The following PRKCH variants were observed in gnomAD, a reference collection of about 807,000 sequenced individuals.
The protein encoded by PRKCH is protein kinase C eta.
PRKCH carries 28 observed loss-of-function variants against 82.5 expected under a neutral mutation model. That is an observed-to-expected ratio of 0.34 (90% CI 0.25 to 0.47). The LOEUF is 0.47. Ranked by LOEUF, PRKCH falls within the 20% of genes least tolerant of loss-of-function variation. The pLI, the probability that PRKCH is intolerant of heterozygous loss-of-function variation, is 1.00. For synonymous variants in PRKCH, 322 were observed against 327.4 expected (o/e 0.98, Z 0.18); for missense variants, 705 against 881.8 (o/e 0.80, Z 2.54).
At position 61,461,231 on chromosome 14, in the gene PRKCH, C is replaced by T. The variant is rs3825654; in HGVS notation, c.1278+3552C>T. ...CTCCAGTTCTCCCTGCCCCACACTGCTCCCTGGAGTAGCCTTGAAACGACT... is the reference window on the plus strand; with the variant it reads ...CTCCAGTTCTCCCTGCCCCACACTGTTCCCTGGAGTAGCCTTGAAACGACT... On this transcript the variant is annotated intron_variant, in intron 9 of 13. Transcript: ENST00000332981. Among the ~76,000 whole-genome samples the T allele has an allele frequency of 6.2e-3, 949 of 152,302 alleles. 49 individuals carry two copies. The East Asian group carries it at 0.098, about 16-fold the overall frequency.
intron 12 of PRKCH, among the ~76,000 whole-genome samples, chr14:61,540,935 G>A (rs2043175758): frequency 6.6e-6 from 1 of 152,242 alleles, no homozygotes; most frequent in Non-Finnish European, 1.5e-5. Flanking sequence ...TCCCCAGAGA[G>A]ATTCAGGAAG....
chr14:61,208,362 C>T (rs555164514), intron 1 of PRKCH, among the ~76,000 whole-genome samples: 1 of 152,264 alleles, frequency 6.6e-6, no homozygotes, highest in East Asian at 1.9e-4. Context: ...AATTATAAGA[C>T]AGTCTTCACA....
At chr14:61,208,623 G>A (rs916888393) in intron 1 of PRKCH, among the ~76,000 whole-genome samples, 3 of 152,176 alleles carry the variant, frequency 2.0e-5, no homozygotes, top group Non-Finnish European at 4.4e-5. Context: ...AAATCATAGA[G>A]TCCTGAAGAG....
intron 2 of PRKCH, among the ~76,000 whole-genome samples, chr14:61,438,862 A>C (rs1199390809): frequency 6.6e-6 from 1 of 152,234 alleles, no homozygotes; most frequent in Non-Finnish European, 1.5e-5. Context: ...ATTTTAGAAT[A>C]GTTAATCTTC....
At chr14:61,266,410 T>A (rs1315985043) in intron 1 of PRKCH, among the ~76,000 whole-genome samples, 4 of 150,926 alleles carry the variant, frequency 2.7e-5, no homozygotes, top group African/African-American at 9.8e-5. Context: ...AGAGCGAGAC[T>A]CCATCTCCAA....
chr14:61,200,098 T>A (rs1215205835), intron 1 of PRKCH, among the ~76,000 whole-genome samples: 1 of 152,184 alleles, frequency 6.6e-6, no homozygotes, highest in South Asian at 2.1e-4. Context: ...TCCCTAAGGA[T>A]GAGTAATGAC....
At chr14:61,412,579 C>T (rs1882325121) in intron 2 of PRKCH, among the ~76,000 whole-genome samples, 1 of 152,190 alleles carries the variant, frequency 6.6e-6, no homozygotes, top group South Asian at 2.1e-4. Context: ...TTTAATCTTC[C>T]TTCATGCCTG....
chr14:61,332,869 T>C (rs557044675), intron 1 of PRKCH, among the ~76,000 whole-genome samples: 2 of 152,356 alleles, frequency 1.3e-5, no homozygotes, highest in East Asian at 1.9e-4. Context: ...CAATGGACTT[T>C]GGTTTTTGCG....
At chr14:61,344,139 G>A (rs1382392368) in intron 1 of PRKCH, 10 of 152,206 alleles carry the variant, frequency 6.6e-5, no homozygotes, top group African/African-American at 1.9e-4. Context: ...TCAGTGATGA[G>A]TCCAATGATC....
In PRKCH at chr14:61,402,670, G is replaced by A. The variant is rs559853255; in HGVS notation, c.427+11382G>A. Among the ~76,000 whole-genome samples, 255 of 151,978 alleles carry A rather than the reference G, an allele frequency of 1.7e-3. 1 individual carries two copies. Among genetic ancestry groups the A allele is most frequent in the African/African-American group, 5.6e-3 (232 of 41,478 alleles). On this transcript the variant is annotated intron_variant, in intron 2 of 13. Transcript: ENST00000332981. ...AAAAATTAGCTGGGTGTGGTGGTGC[G>A]TGCCTGTAATCCCAGCTACTCGGGA...
chr14:61,401,568 G>A lies in PRKCH; in HGVS notation c.427+10280G>A, dbSNP rs1465299578. Among the ~76,000 whole-genome samples, 6 of 152,184 alleles carry A rather than the reference G, an allele frequency of 3.9e-5. No homozygotes were observed. The East Asian group carries it at 9.6e-4, about 24-fold the overall frequency. ...TGACATTTGCCCCAATGGTGCAAAA[G>A]AGAAATGGTGGGTAAAAGCATGGCA... On this transcript the variant is annotated intron_variant, in intron 2 of 13. Transcript: ENST00000332981.
intron 12 of PRKCH, among the ~76,000 whole-genome samples, chr14:61,531,081 T>C (rs2043039038): frequency 6.6e-6 from 1 of 152,198 alleles, no homozygotes; most frequent in African/African-American, 2.4e-5. Context: ...CTATTTTGCC[T>C]CCATGTTATT....
chr14:61,488,660 G>T (rs1422277873), intron 10 of PRKCH, among the ~76,000 whole-genome samples: 1 of 152,218 alleles, frequency 6.6e-6, no homozygotes, highest in African/African-American at 2.4e-5. Flanking sequence ...AAGCAATTCA[G>T]TCTTATCTCA....
chr14:61,221,637 A>T (rs542896277), intron 1 of PRKCH, among the ~76,000 whole-genome samples: 1 of 152,160 alleles, frequency 6.6e-6, no homozygotes, highest in Admixed American at 6.5e-5. Flanking sequence ...TTCCCCGGGG[A>T]TAGGACCTTG....
chr14:61,519,368 G>T (rs2042873795), intron 10 of PRKCH, among the ~76,000 whole-genome samples: 1 of 152,030 alleles, frequency 6.6e-6, no homozygotes. Flanking sequence ...GCCTGGGATG[G>T]TCCCAATCTC....
rs1166349303 is a variant in PRKCH, at chr14:61,428,042, T to TATAGATAGATAG, written c.428-15045_428-15034dup. Among the ~76,000 whole-genome samples, 1,001 of 121,868 alleles carry TATAGATAGATAG rather than the reference T, an allele frequency of 8.2e-3. 22 individuals are homozygous for TATAGATAGATAG. The highest frequency in any genetic ancestry group is 0.03 in the African/African-American group (927 of 31,044). 80.0% of individuals were successfully genotyped at this position (121,868 alleles called of 152,430 possible). A position where few individuals can be genotyped will look rare whatever the true frequency, so the allele number is the denominator to read the frequency against. On this transcript the variant is annotated intron_variant, in intron 2 of 13. Transcript: ENST00000332981. ...AACCTCATCTCCACAAATATATATA[T>TATAGATAGATAG]ATAGATAGATAGATAGATAGATAGA...
At chr14:61,391,549 C>T (rs1333035112) in intron 2 of PRKCH, among the ~76,000 whole-genome samples, 6 of 152,150 alleles carry the variant, frequency 3.9e-5, no homozygotes, top group South Asian at 2.1e-4. Context: ...CCAGTGTCAT[C>T]GTAGCTGAAT....
chr14:61,255,816 A>T (rs1044551166), intron 1 of PRKCH, among the ~76,000 whole-genome samples: 2 of 152,222 alleles, frequency 1.3e-5, no homozygotes, highest in Non-Finnish European at 2.9e-5. Context: ...TGGATAACAC[A>T]TTTGGGAGTG....
chr14:61,452,992 T>C, intron 6 of PRKCH: 1 of 530,946 alleles, frequency 1.9e-6, no homozygotes, highest in South Asian at 2.5e-5. Flanking sequence ...GGAAAAAATG[T>C]ATTTGAAATA....
Sources: allele counts gnomAD v4.1 joint callset (sites outside exome capture counted in the v4.1 genomes callset), GRCh38; gene constraint gnomAD v4.1.1; transcripts MANE v1.5; gene names NCBI Gene and HGNC (gene_info 2026-07-23, HGNC 2026-07-21).